SPEF2: variants seen among roughly 807,000 people sequenced by gnomAD.
SPEF2 encodes sperm flagellar and cilia associated 2, also known as sperm flagella and cilia-associated protein 2.
A neutral mutation model predicts 224.6 loss-of-function variants in SPEF2; 187 were observed. The observed-to-expected ratio is 0.83, with a 90% CI of 0.74 to 0.94. The LOEUF (loss-of-function observed/expected upper bound fraction) is 0.94, where lower values mean the gene tolerates loss of function less well. Among genes scored for constraint, SPEF2 ranks in the 40% least tolerant of loss-of-function variants. The pLI, the probability that SPEF2 is intolerant of heterozygous loss-of-function variation, is 0.00. For synonymous variants in SPEF2, 715 were observed against 707.3 expected, an observed-to-expected ratio of 1.01 and a Z score of -0.17; for missense variants, 2,170 against 2,135.6, an observed-to-expected ratio of 1.02 and a Z score of -0.32.
At chr5:35,654,486 G>A in intron 6 of SPEF2, 54 bp from the exon 7 acceptor site, 3 of 1,396,858 alleles carry the variant, frequency 2.1e-6, no homozygotes, top group Non-Finnish European at 2.9e-6. Flanking sequence ...CACAGATAGT[G>A]GCATGGGATC....
At position 35,617,927 on chromosome 5, in the gene SPEF2, C is replaced by T. The variant is rs560635871; in HGVS notation, c.-71C>T. 2.0e-6 allele frequency: 3 copies of T among 1,476,410 alleles called. No individual in the cohort carries two copies. Among genetic ancestry groups the T allele is most frequent in the East Asian group, 2.5e-5 (1 of 40,756 alleles). 91.5% of individuals were successfully genotyped at this position (1,476,410 alleles called of 1,614,324 possible). ...AGGGTTGCCCTTGGCTACAGGAGGA[C>T]GCGGGCTGGCAGGCTTGGTTCCTGG... On this transcript the variant is annotated 5_prime_UTR_variant, in exon 1 of 37. It adds an upstream start codon to the 5' untranslated region. Coordinates refer to ENST00000356031, the MANE Select transcript of SPEF2 (RefSeq NM_024867.4).
chr5:35,781,827 G>A (rs766329860), intron 30 of SPEF2, among the ~76,000 whole-genome samples: 14 of 152,006 alleles, frequency 9.2e-5, no homozygotes, highest in Non-Finnish European at 1.8e-4. Context: ...ATAAGTGTTG[G>A]GAATTTGATT....
Position 35,763,543 on chromosome 5 carries a change from A to G in SPEF2, c.3642A>G (p.Ile1214Met), listed in dbSNP as rs1354661073. Reference sequence around the variant, plus strand: ...AAAGAATTCCTCTAGTTCCTCGAATATCCATTTCTCTGGAAACAGTTACAC... The same window carrying G: ...AAAGAATTCCTCTAGTTCCTCGAATGTCCATTTCTCTGGAAACAGTTACAC... ...SQLRIPLVPR[I>M]SISLETVTPK... is the part of the protein sequence containing the mutation. The change falls in exon 26 of 37, where the codon ATA (isoleucine) becomes ATG (methionine). Residue 1214 changes from isoleucine to methionine, a missense_variant. Coordinates refer to ENST00000356031, the MANE Select transcript of SPEF2 (RefSeq NM_024867.4). The G allele has an allele frequency of 6.3e-7, 1 of 1,596,442 alleles. No individual in the cohort carries two copies. Among genetic ancestry groups the G allele is most frequent in the East Asian group, 2.3e-5 (1 of 44,428 alleles).
At chr5:35,787,870 G>T in intron 30 of SPEF2, 2 of 563,346 alleles carry the variant, frequency 3.6e-6, no homozygotes, top group Non-Finnish European at 3.1e-6. Context: ...TTAAAGGCAG[G>T]AATCCTTCGG....
At chr5:35,722,931 T>C (rs958712370) in intron 20 of SPEF2, among the ~76,000 whole-genome samples, 1 of 152,042 alleles carries the variant, frequency 6.6e-6, no homozygotes, top group Non-Finnish European at 1.5e-5. Context: ...TTAGTTCAGC[T>C]AAAATGGGGT....
chr5:35,775,772 G>C (rs1039359661), intron 28 of SPEF2, among the ~76,000 whole-genome samples: 1 of 152,006 alleles, frequency 6.6e-6, no homozygotes, highest in Admixed American at 6.6e-5. Flanking sequence ...GATGAAAAAA[G>C]CCAAAAAGAG....
chr5:35,675,765 C>T (rs935610404), intron 10 of SPEF2: 5 of 338,300 alleles, frequency 1.5e-5, no homozygotes, highest in Non-Finnish European at 2.4e-5. Context: ...CACACTGATT[C>T]TAACTTAACA....
intron 18 of SPEF2, among the ~76,000 whole-genome samples, chr5:35,708,615 C>T (rs376064685): frequency 0.015 from 12 of 796 alleles, no homozygotes; most frequent in East Asian, 0.053. Flanking sequence ...ACTTCACCAC[C>T]TCTACCTCCA....
intron 16 of SPEF2, chr5:35,702,225 G>A (rs544678353): frequency 3.3e-5 from 15 of 456,204 alleles, no homozygotes; most frequent in South Asian, 2.0e-4. Flanking sequence ...TGCAGTGCTC[G>A]GGGTCTATGG....
At chr5:35,635,975 G>A (rs543864546) in intron 2 of SPEF2, among the ~76,000 whole-genome samples, 1 of 151,158 alleles carries the variant, frequency 6.6e-6, no homozygotes, top group African/African-American at 2.4e-5. Flanking sequence ...TTTTTTCCTT[G>A]TGTATAGGTC....
At chr5:35,805,534 A>T (rs1430352969) in intron 34 of SPEF2, among the ~76,000 whole-genome samples, 3 of 152,178 alleles carry the variant, frequency 2.0e-5, no homozygotes. Context: ...AGGAGATCAG[A>T]TCTCAGATGT....
At chr5:35,703,195 TAGTA>T (rs1279163078) in intron 16 of SPEF2, among the ~76,000 whole-genome samples, 25 of 152,096 alleles carry the variant, frequency 1.6e-4, no homozygotes, top group African/African-American at 5.8e-4. Context: ...GCTAGGGAAT[TAGTA>T]AGAATAAAGG....
chr5:35,695,793 A>C lies in SPEF2; in HGVS notation c.2034A>C (p.Leu678Phe). 1.2e-6 allele frequency: 2 copies of C among 1,603,978 alleles called. No individual in the cohort carries two copies. Among genetic ancestry groups the C allele is most frequent in the Non-Finnish European group, 1.7e-6 (2 of 1,173,870 alleles). ...AAGTCAAATCAAGTGATAGTTTCTT[A>C]AAAGTAAGTATTATGATCTAATTTT... The part of the protein sequence containing the change: ...AEEVKSSDSF[L>F]KLTTRAQLGA... Residue 678 changes from leucine to phenylalanine, a missense_variant, in exon 14 of 37, where the codon TTA becomes TTC. By Grantham distance (22) the Leu-to-Phe change is conservative. Coordinates refer to ENST00000356031, the MANE Select transcript of SPEF2 (RefSeq NM_024867.4).
intron 10 of SPEF2, among the ~76,000 whole-genome samples, chr5:35,681,087 A>G (rs1752733485): frequency 6.6e-6 from 1 of 152,148 alleles, no homozygotes; most frequent in Non-Finnish European, 1.5e-5. Context: ...ACTAACTAAT[A>G]CTTTTTCTTT....
intron 23 of SPEF2, among the ~76,000 whole-genome samples, chr5:35,748,658 C>T (rs2149712467): frequency 6.6e-6 from 1 of 152,138 alleles, no homozygotes; most frequent in African/African-American, 2.4e-5. Context: ...CAATAACAAG[C>T]AGTGAGATTG....
chr5:35,694,251 G>A, intron 12 of SPEF2, 37 bp from the exon 13 acceptor site: 1 of 1,546,916 alleles, frequency 6.5e-7, no homozygotes, highest in Non-Finnish European at 8.9e-7. Flanking sequence ...ATATAGCAAT[G>A]GTAAAATCCC....
At chr5:35,709,553 T>C in intron 19 of SPEF2, 1 of 987,092 alleles carries the variant, frequency 1.0e-6, no homozygotes, top group Non-Finnish European at 1.2e-6. Flanking sequence ...ACAGCAACCA[T>C]TAGAACTAGA....
At chr5:35,757,707 T>G (rs1369740100) in intron 24 of SPEF2, among the ~76,000 whole-genome samples, 1 of 152,204 alleles carries the variant, frequency 6.6e-6, no homozygotes, top group Non-Finnish European at 1.5e-5. Flanking sequence ...ATGAATATTT[T>G]AAAACTTAAT....
chr5:35,801,274 T>G (rs1363926807), intron 34 of SPEF2, among the ~76,000 whole-genome samples: 1 of 152,130 alleles, frequency 6.6e-6, no homozygotes, highest in Non-Finnish European at 1.5e-5. Context: ...CCAGCACTTT[T>G]GGAGGCCAAG....
Sources: allele counts gnomAD v4.1 joint callset (sites outside exome capture counted in the v4.1 genomes callset), GRCh38; gene constraint gnomAD v4.1.1; transcripts MANE v1.5; gene names NCBI Gene and HGNC (gene_info 2026-07-23, HGNC 2026-07-21).